The following COL27A1 variants were observed in gnomAD, a reference collection of about 807,000 sequenced individuals.
COL27A1 encodes the protein collagen type XXVII alpha 1 chain, also known as collagen alpha-1(XXVII) chain.
Under a neutral mutation model 251.3 loss-of-function variants are expected in COL27A1, and 106 were observed. That is an observed-to-expected ratio of 0.42 (90% CI 0.36 to 0.50). The LOEUF (loss-of-function observed/expected upper bound fraction) is 0.50, where lower values mean the gene tolerates loss of function less well. COL27A1 is among the 20% of genes least tolerant of loss of function. The probability of loss-of-function intolerance (pLI) is 0.00; values close to 1 mark genes in which losing one functional copy is unlikely to be tolerated. For missense variants in COL27A1, 2,325 were observed against 2,522.8 expected (o/e 0.92, Z 1.68); for synonymous variants, 1,000 against 986.3 (o/e 1.01, Z -0.26).
chr9:114,303,232 TTTTTCTTTTC>T lies in COL27A1; in HGVS notation c.4872+1129_4872+1138del, dbSNP rs1319023581. ...ATTACAGGTGCTTTGCTTTTCTTTT[TTTTTCTTTTC>T]TTTTTTTTTTTTTTGAGACACAGTC... On this transcript the variant is annotated intron_variant, in intron 56 of 60. Transcript: ENST00000356083. Among the ~76,000 whole-genome samples the T allele has an allele frequency of 9.5e-5, 14 of 147,112 alleles. No homozygotes were observed. In the East Asian group the frequency reaches 1.7e-3, roughly 18 times the overall value.
Position 114,169,137 on chromosome 9 carries a change from T to C in COL27A1, c.1582T>C (p.Ser528Pro). 1 of 1,614,050 alleles carries C rather than the reference T, an allele frequency of 6.2e-7. No homozygotes were observed. Among genetic ancestry groups the C allele is most frequent in the Non-Finnish European group, 8.5e-7 (1 of 1,180,006 alleles). Residue 528 changes from serine (S) to proline (P), a missense_variant, in exon 3 of 61, where the codon TCA (serine) becomes CCA (proline). Physicochemically the swap from Ser to Pro is moderately conservative, Grantham distance 74. Transcript: ENST00000356083. ...AGCACCTGCCGTCCCCACTCCTGGCTCAGCTCCCACTGGAAGCAAGAAGCC... is the reference window on the plus strand; with the variant it reads ...AGCACCTGCCGTCCCCACTCCTGGCCCAGCTCCCACTGGAAGCAAGAAGCC... ...RTAPAVPTPG[S>P]APTGSKKPIG...
At chr9:114,283,520 C>G (rs566369064) in intron 39 of COL27A1, among the ~76,000 whole-genome samples, 189 bp from the exon 40 acceptor site, 1 of 146,796 alleles carries the variant, frequency 6.8e-6, no homozygotes, top group Non-Finnish European at 1.5e-5. Flanking sequence ...AGGGCTGGGG[C>G]AGGGGTGGGG....
At chr9:114,170,163 G>T (rs1849205205) in intron 3 of COL27A1, among the ~76,000 whole-genome samples, 1 of 152,192 alleles carries the variant, frequency 6.6e-6, no homozygotes, top group Admixed American at 6.5e-5. Flanking sequence ...ACCCGTTTAT[G>T]TTACCTGCCT....
At chr9:114,192,549 A>C (rs984277780) in intron 5 of COL27A1, among the ~76,000 whole-genome samples, 4 of 151,838 alleles carry the variant, frequency 2.6e-5, no homozygotes, top group Non-Finnish European at 5.9e-5. Flanking sequence ...GGGGATGGGG[A>C]GTGTGGGAGA....
chr9:114,245,825 A>G, intron 23 of COL27A1, 41 bp from the exon 24 acceptor site: 1 of 1,603,344 alleles, frequency 6.2e-7, no homozygotes, highest in Non-Finnish European at 8.5e-7. Flanking sequence ...CTAGACTTTC[A>G]TCTCCCATCC....
At chr9:114,208,400 G>A (rs1043841372) in intron 10 of COL27A1, among the ~76,000 whole-genome samples, 3 of 152,028 alleles carry the variant, frequency 2.0e-5, no homozygotes, top group Admixed American at 1.3e-4. Context: ...AGTAAGCCAC[G>A]ATCGCACCAC....
At chr9:114,238,008 G>C (rs1401717155) in intron 19 of COL27A1, among the ~76,000 whole-genome samples, 1 of 152,180 alleles carries the variant, frequency 6.6e-6, no homozygotes, top group Non-Finnish European at 1.5e-5. Context: ...GTGCGCCACT[G>C]TCTGGTCCCT....
chr9:114,180,199 C>T (rs137892879), intron 4 of COL27A1, among the ~76,000 whole-genome samples: 1,752 of 152,266 alleles, frequency 0.012, 47 homozygotes, highest in African/African-American at 0.04. Flanking sequence ...ACCTGAGCCC[C>T]TCCAGAGATA....
intron 32 of COL27A1, among the ~76,000 whole-genome samples, chr9:114,266,173 C>A (rs958130060): frequency 6.6e-6 from 1 of 152,160 alleles, no homozygotes; most frequent in Non-Finnish European, 1.5e-5. Context: ...CTGCTGCATT[C>A]CCACATCTTG....
chr9:114,226,840 C>T (rs945089586), intron 14 of COL27A1, among the ~76,000 whole-genome samples: 1 of 152,266 alleles, frequency 6.6e-6, no homozygotes, highest in African/African-American at 2.4e-5. Flanking sequence ...CAGGCACCTG[C>T]CTTTGGTCTG....
chr9:114,233,553 G>C (rs1385327531), intron 16 of COL27A1, among the ~76,000 whole-genome samples: 1 of 152,174 alleles, frequency 6.6e-6, no homozygotes, highest in African/African-American at 2.4e-5. Context: ...CCCAAGGTTT[G>C]AGACATCAGC....
intron 27 of COL27A1, among the ~76,000 whole-genome samples, chr9:114,255,036 A>C (rs113203921): frequency 3.3e-5 from 5 of 152,322 alleles, no homozygotes; most frequent in African/African-American, 1.2e-4. Context: ...GTCTCTGTCC[A>C]TCCTCATGAT....
chr9:114,235,772 C>T lies in COL27A1; in HGVS notation c.2619+120C>T, dbSNP rs546560679. The T allele has an allele frequency of 4.0e-5, 30 of 759,042 alleles. No individual in the cohort carries two copies. In the East Asian group the frequency reaches 5.8e-4, roughly 15 times the overall value. The allele number at this position is 759,042 out of a possible 1,614,324, so 47.0% of individuals were successfully genotyped here. A position where few individuals can be genotyped will look rare whatever the true frequency, so the allele number is the denominator to read the frequency against. On this transcript the variant is annotated intron_variant, in intron 17 of 60. Coordinates refer to ENST00000356083, the MANE Select transcript of COL27A1 (RefSeq NM_032888.4). Reference sequence around the variant, plus strand: ...GACCCACCTGTAAGACGGCTGCCCTCGAAATAATCCAGTCTTCTCCATCCT... The same window carrying T: ...GACCCACCTGTAAGACGGCTGCCCTTGAAATAATCCAGTCTTCTCCATCCT...
intron 10 of COL27A1, 92 bp from the exon 11 acceptor site, chr9:114,209,583 T>TGTGGGATGGCAGTGGTGG: frequency 8.8e-7 from 1 of 1,135,422 alleles, no homozygotes; most frequent in Non-Finnish European, 1.3e-6. Flanking sequence ...GGAGCCGGGA[T>TGTGGGATGGCAGTGGTGG]GTGGGATGGC....
rs556817433 is a variant in COL27A1, at chr9:114,265,483, C to A, written c.3393+8C>A. ...GGCCTCCCAGGAGAACCGGTAAGAG[C>A]CCTTTCCTTCCCTCTTCTGCTTCTT... is the stretch of plus-strand genomic sequence containing the variant. On this transcript the variant is annotated splice_region_variant and intron_variant, in intron 32 of 60. Coordinates refer to ENST00000356083, the MANE Select transcript of COL27A1 (RefSeq NM_032888.4). 14 of 1,613,478 alleles carry A rather than the reference C, an allele frequency of 8.7e-6. No individual in the cohort carries two copies. The East Asian group carries it at 2.9e-4, about 33-fold the overall frequency.
chr9:114,287,148 C>T (rs1244428107), intron 41 of COL27A1, among the ~76,000 whole-genome samples: 3 of 152,328 alleles, frequency 2.0e-5, no homozygotes, highest in South Asian at 2.1e-4. Context: ...CTTCAGCCTC[C>T]ACCCACCAGA....
intron 28 of COL27A1, among the ~76,000 whole-genome samples, chr9:114,263,095 T>C (rs1251242408): frequency 6.6e-6 from 1 of 152,006 alleles, no homozygotes; most frequent in Non-Finnish European, 1.5e-5. Flanking sequence ...CACACCACCA[T>C]GCCTAGCTAA....
At chr9:114,263,355 G>A (rs1210204923) in intron 28 of COL27A1, among the ~76,000 whole-genome samples, 2 of 152,044 alleles carry the variant, frequency 1.3e-5, no homozygotes, top group African/African-American at 4.8e-5. Flanking sequence ...ATCTGGGGGA[G>A]TATTGCGGGC....
chr9:114,301,787 C>T lies in COL27A1; in HGVS notation c.4845+70C>T, dbSNP rs1045257017. ...CCTTTGAAGGAGATTCAAGGCTTCA[C>T]CGGCAGACTAAGCCTTGACCCTGAA... is the stretch of plus-strand genomic sequence containing the variant. On this transcript the variant is annotated intron_variant, in intron 55 of 60. Coordinates refer to ENST00000356083, the MANE Select transcript of COL27A1 (RefSeq NM_032888.4). 7.6e-6 allele frequency: 11 copies of T among 1,449,094 alleles called. No individual in the cohort carries two copies. The African/African-American group carries it at 1.3e-4, about 17-fold the overall frequency. 89.8% of individuals were successfully genotyped at this position (1,449,094 alleles called of 1,614,324 possible). A position where few individuals can be genotyped will look rare whatever the true frequency, so the allele number is the denominator to read the frequency against.
Sources: allele counts gnomAD v4.1 joint callset (sites outside exome capture counted in the v4.1 genomes callset), GRCh38; gene constraint gnomAD v4.1.1; transcripts MANE v1.5; gene names NCBI Gene and HGNC (gene_info 2026-07-23, HGNC 2026-07-21).